Variants in KIAA0825 observed in about 807,000 individuals in gnomAD.
KIAA0825 encodes uncharacterized protein KIAA0825.
Under a neutral mutation model 147.6 loss-of-function variants are expected in KIAA0825, and 119 were observed. The observed-to-expected ratio is 0.81, with a 90% CI of 0.69 to 0.94. KIAA0825 has a LOEUF of 0.94. Among genes scored for constraint, KIAA0825 ranks in the 40% least tolerant of loss-of-function variants. The pLI is 0.00. For missense variants in KIAA0825, 1,381 were observed against 1,472.7 expected (o/e 0.94, Z 1.02); for synonymous variants, 470 against 518.1 (o/e 0.91, Z 1.26).
chr5:94,516,560 T>C (rs1767272001), intron 5 of KIAA0825, among the ~76,000 whole-genome samples: 2 of 151,646 alleles, frequency 1.3e-5, no homozygotes, highest in Non-Finnish European at 1.5e-5. Context: ...TCCCAGCACT[T>C]TGGGAGGCCG....
chr5:94,154,470 A>G (rs1001303592), intron 20 of KIAA0825, among the ~76,000 whole-genome samples: 7 of 152,234 alleles, frequency 4.6e-5, no homozygotes, highest in Admixed American at 4.6e-4. Flanking sequence ...AATATTTTTC[A>G]TAGCATTTTT....
At position 94,159,942 on chromosome 5, in the gene KIAA0825, G is replaced by A. The variant is rs1441871482; in HGVS notation, c.3711-5818C>T. On this transcript the variant is annotated intron_variant, in intron 20 of 20. Transcript: ENST00000682413. The stretch of plus-strand genomic sequence containing the variant: ...TTAATTGTAGTGTTAAACAACATTA[G>A]TCATCTGGCCAAATAAATGATTTCA... Among the ~76,000 whole-genome samples the A allele has an allele frequency of 7.9e-5, 12 of 152,228 alleles. No homozygotes were observed. The South Asian group carries it at 2.5e-3, about 32-fold the overall frequency.
intron 20 of KIAA0825, among the ~76,000 whole-genome samples, chr5:94,287,893 A>G (rs1777725691): frequency 6.6e-6 from 1 of 152,156 alleles, no homozygotes; most frequent in East Asian, 1.9e-4. Context: ...CTGGGAATCC[A>G]TCGGACATCC....
rs190395922 is a variant in KIAA0825, at chr5:94,459,868, C to T, written c.2246+2519G>A. On this transcript the variant is annotated intron_variant, in intron 12 of 20. Coordinates refer to ENST00000682413, the MANE Select transcript of KIAA0825 (RefSeq NM_001145678.3). Reference sequence around the variant, plus strand: ...ATATGAAATTTATTATCTAATTCTACTTTTTATTATAGATTTAGGTAGGGC... The same window carrying T: ...ATATGAAATTTATTATCTAATTCTATTTTTTATTATAGATTTAGGTAGGGC... Among the ~76,000 whole-genome samples the T allele has an allele frequency of 1.4e-4, 22 of 152,074 alleles. No homozygotes were observed. In the East Asian group the frequency reaches 4.3e-3, roughly 29 times the overall value.
intron 20 of KIAA0825, among the ~76,000 whole-genome samples, chr5:94,337,277 G>T (rs752166481): frequency 8.5e-5 from 13 of 152,138 alleles, no homozygotes; most frequent in African/African-American, 3.1e-4. Flanking sequence ...AGAATTCAGC[G>T]TATTGGTATG....
At chr5:94,334,126 A>C (rs888611708) in intron 20 of KIAA0825, among the ~76,000 whole-genome samples, 1 of 152,212 alleles carries the variant, frequency 6.6e-6, no homozygotes, top group Non-Finnish European at 1.5e-5. Flanking sequence ...GTGCATCTAC[A>C]AAAAAATTAC....
At chr5:94,214,809 C>G (rs1038360442) in intron 20 of KIAA0825, among the ~76,000 whole-genome samples, 3 of 152,188 alleles carry the variant, frequency 2.0e-5, no homozygotes, top group African/African-American at 7.2e-5. Context: ...ATTGCCCAGG[C>G]AAACTCTTTT....
chr5:94,559,329 C>G (rs1319138129), intron 2 of KIAA0825, among the ~76,000 whole-genome samples: 1 of 152,164 alleles, frequency 6.6e-6, no homozygotes, highest in African/African-American at 2.4e-5. Flanking sequence ...TCTCTCCTAA[C>G]TGTTGATCTT....
At chr5:94,492,777 G>A (rs755979654) in intron 5 of KIAA0825, among the ~76,000 whole-genome samples, 14 of 152,226 alleles carry the variant, frequency 9.2e-5, no homozygotes, top group Non-Finnish European at 1.6e-4. Context: ...ATTTTAACAG[G>A]AAATATTTTG....
intron 20 of KIAA0825, among the ~76,000 whole-genome samples, chr5:94,351,424 T>C (rs981842633): frequency 2.6e-5 from 4 of 152,098 alleles, no homozygotes; most frequent in African/African-American, 9.7e-5. Flanking sequence ...GAAACACTGC[T>C]GAAAGAAATA....
At chr5:94,525,587 C>A (rs772633796) in intron 3 of KIAA0825, among the ~76,000 whole-genome samples, 1 of 151,914 alleles carries the variant, frequency 6.6e-6, no homozygotes, top group Non-Finnish European at 1.5e-5. Context: ...GTAAGCACTT[C>A]TATGGACAGA....
chr5:94,519,719 T>A (rs946434437), intron 5 of KIAA0825: 1 of 775,434 alleles, frequency 1.3e-6, no homozygotes, highest in Non-Finnish European at 1.6e-6. Context: ...CTTTTAAATA[T>A]CCAATTTTAC....
chr5:94,313,475 T>C (rs1779356852), intron 20 of KIAA0825, among the ~76,000 whole-genome samples: 1 of 151,734 alleles, frequency 6.6e-6, no homozygotes, highest in Admixed American at 6.6e-5. Context: ...GGAATTCTAA[T>C]AAAATGTCTC....
chr5:94,181,494 T>A (rs1280430887), intron 20 of KIAA0825, among the ~76,000 whole-genome samples: 2 of 152,216 alleles, frequency 1.3e-5, no homozygotes, highest in Non-Finnish European at 2.9e-5. Context: ...ATTTTCAAAT[T>A]CATCCAAAGA....
In KIAA0825 at chr5:94,594,498, A is replaced by G. The variant is rs930113455; in HGVS notation, c.-152-11915T>C. The G allele has an allele frequency of 1.3e-5, 10 of 747,428 alleles. No homozygotes were observed. In the Admixed American group the frequency reaches 1.7e-4, roughly 13 times the overall value. The allele number at this position is 747,428 out of a possible 1,614,324, so 46.3% of individuals were successfully genotyped here. A position where few individuals can be genotyped will look rare whatever the true frequency, so the allele number is the denominator to read the frequency against. The stretch of plus-strand genomic sequence containing the variant: ...ATCTCTTCTTTATGGAAGCCATAAT[A>G]TAACATTGGGACAACTACCAGAAAT... On this transcript the variant is annotated intron_variant, in intron 1 of 20. Transcript: ENST00000682413.
chr5:94,612,482 C>T (rs1345649884), intron 1 of KIAA0825, among the ~76,000 whole-genome samples: 1 of 152,054 alleles, frequency 6.6e-6, no homozygotes, highest in East Asian at 1.9e-4. Context: ...GGCTGTCAGA[C>T]GTGCATTGAG....
intron 2 of KIAA0825, among the ~76,000 whole-genome samples, chr5:94,549,064 G>A (rs1216708668): frequency 6.6e-6 from 1 of 152,106 alleles, no homozygotes; most frequent in Non-Finnish European, 1.5e-5. Flanking sequence ...AACTTAATCT[G>A]CACTATAGAA....
intron 13 of KIAA0825, 147 bp from the exon 14 acceptor site, chr5:94,440,268 G>C: frequency 2.4e-6 from 2 of 827,338 alleles, no homozygotes; most frequent in South Asian, 2.0e-5. Context: ...GCTTACTTTA[G>C]GGTTGCCTGG....
intron 13 of KIAA0825, among the ~76,000 whole-genome samples, chr5:94,444,042 A>G (rs1175713700): frequency 6.6e-6 from 1 of 152,206 alleles, no homozygotes; most frequent in African/African-American, 2.4e-5. Flanking sequence ...AACAACCATT[A>G]TATGGTACTG....
Sources: gnomAD v4.1 joint callset for allele counts (sites outside exome capture counted in the v4.1 genomes callset) on GRCh38, gnomAD v4.1.1 for gene constraint, MANE v1.5 for transcripts, NCBI Gene and HGNC (gene_info 2026-07-23, HGNC 2026-07-21) for gene names.